The following AKR1C8 variants were observed in gnomAD, a reference collection of about 807,000 sequenced individuals.
AKR1C8 encodes the protein aldo-keto reductase family 1 member C-like protein 1.
At chr10:5,151,041 G>T in the AKR1C8 span, among the ~76,000 whole-genome samples, 4 of 152,138 alleles carry the variant, frequency 2.6e-5, no homozygotes, top group Non-Finnish European at 4.4e-5. Context: ...GTGTTGATTG[G>T]TTGGGTTGGA....
the AKR1C8 span, among the ~76,000 whole-genome samples, chr10:5,121,364 T>G: frequency 4.6e-5 from 7 of 152,280 alleles, no homozygotes; most frequent in South Asian, 1.5e-3. Flanking sequence ...CCAGAGGATC[T>G]TATCTTGGTA....
the AKR1C8 span, among the ~76,000 whole-genome samples, chr10:5,131,239 T>C: frequency 1.3e-5 from 2 of 151,942 alleles, no homozygotes; most frequent in East Asian, 3.9e-4. Flanking sequence ...GAAGATAACA[T>C]TGGAAAAACT....
chr10:5,153,152 TTTTTA>T, the AKR1C8 span, among the ~76,000 whole-genome samples: 2 of 152,196 alleles, frequency 1.3e-5, no homozygotes, highest in Non-Finnish European at 2.9e-5. Context: ...GATTTTAAAA[TTTTTA>T]TTTTGTTTAA....
the AKR1C8 span, among the ~76,000 whole-genome samples, chr10:5,140,876 T>C: frequency 9.2e-5 from 14 of 152,140 alleles, no homozygotes; most frequent in African/African-American, 3.1e-4. Context: ...TCACTGTTGA[T>C]TGCTGCTGAC....
chr10:5,139,328 A>G, the AKR1C8 span, among the ~76,000 whole-genome samples: 1 of 152,224 alleles, frequency 6.6e-6, no homozygotes, highest in African/African-American at 2.4e-5. Flanking sequence ...ACCAAAAAAG[A>G]GCCTGCATTG....
At chr10:5,121,768 TA>T in the AKR1C8 span, among the ~76,000 whole-genome samples, 1 of 152,116 alleles carries the variant, frequency 6.6e-6, no homozygotes. Context: ...TTTTTTAGCA[TA>T]AATTAAGACA....
the AKR1C8 span, among the ~76,000 whole-genome samples, chr10:5,142,508 T>A: frequency 6.6e-6 from 1 of 152,152 alleles, no homozygotes; most frequent in South Asian, 2.1e-4. Context: ...TGTGCTTAAA[T>A]GAAAAATACG....
At chr10:5,169,119 CCT>C in the AKR1C8 span, among the ~76,000 whole-genome samples, 5 of 152,164 alleles carry the variant, frequency 3.3e-5, no homozygotes, top group African/African-American at 1.2e-4. Context: ...CGCACCTCCC[CCT>C]GTGCCTGAGC....
chr10:5,166,568 G>T, the AKR1C8 span, among the ~76,000 whole-genome samples: 5 of 152,152 alleles, frequency 3.3e-5, no homozygotes, highest in African/African-American at 4.8e-5. Context: ...ATGATGCTGG[G>T]AAAAGTGGCT....
At chr10:5,151,344 C>T in the AKR1C8 span, among the ~76,000 whole-genome samples, 312 of 152,170 alleles carry the variant, frequency 2.1e-3, no homozygotes, top group Middle Eastern at 0.01. Flanking sequence ...AGTCCCCAGG[C>T]AGGAAAGGGT....
chr10:5,165,916 C>T, the AKR1C8 span, among the ~76,000 whole-genome samples: 2,371 of 152,122 alleles, frequency 0.016, 61 homozygotes, highest in African/African-American at 0.054. Context: ...CTACTCCTAA[C>T]GACTAACTTG....
chr10:5,129,298 T>A, the AKR1C8 span, among the ~76,000 whole-genome samples: 1 of 152,038 alleles, frequency 6.6e-6, no homozygotes, highest in Non-Finnish European at 1.5e-5. Context: ...CAAGTTCATA[T>A]CATTAAATGC....
chr10:5,180,088 TC>T, the AKR1C8 span, among the ~76,000 whole-genome samples: 8 of 152,308 alleles, frequency 5.3e-5, no homozygotes, highest in Non-Finnish European at 7.3e-5. Flanking sequence ...CTCTGTTTTT[TC>T]CCCATCTTTG....
the AKR1C8 span, chr10:5,154,259 G>A: frequency 8.7e-6 from 4 of 462,278 alleles, no homozygotes; most frequent in Admixed American, 2.4e-5. Context: ...CACTTGGGAT[G>A]GGCTAAAATT....
At chr10:5,161,364 TGA>T in the AKR1C8 span, among the ~76,000 whole-genome samples, 1 of 152,148 alleles carries the variant, frequency 6.6e-6, no homozygotes, top group African/African-American at 2.4e-5. Flanking sequence ...TCCACTGTGA[TGA>T]GAGGTTAGAT....
At chr10:5,158,764 C>A in the AKR1C8 span, 1 of 466,220 alleles carries the variant, frequency 2.1e-6, no homozygotes, top group Admixed American at 2.4e-5. Context: ...TAACCACATG[C>A]AAATTTAAAA....
chr10:5,156,554 A>ATCT, the AKR1C8 span, among the ~76,000 whole-genome samples: 1 of 151,750 alleles, frequency 6.6e-6, no homozygotes. Context: ...CTATCTATCT[A>ATCT]ATGTATTTAT....
the AKR1C8 span, among the ~76,000 whole-genome samples, chr10:5,151,436 T>A: frequency 6.6e-6 from 1 of 152,052 alleles, no homozygotes; most frequent in Non-Finnish European, 1.5e-5. Flanking sequence ...CCTATGCCCA[T>A]GAGTGAACAA....
the AKR1C8 span, among the ~76,000 whole-genome samples, chr10:5,166,870 A>C: frequency 6.6e-6 from 1 of 152,162 alleles, no homozygotes; most frequent in African/African-American, 2.4e-5. Flanking sequence ...AATGGGAGAA[A>C]ATTTTTGCAA....
Sources: allele counts gnomAD v4.1 joint callset (sites outside exome capture counted in the v4.1 genomes callset), GRCh38; gene constraint gnomAD v4.1.1; transcripts MANE v1.5; gene names NCBI Gene and HGNC (gene_info 2026-07-23, HGNC 2026-07-21).